AUTS2: variants seen among roughly 807,000 people sequenced by gnomAD.
AUTS2 encodes activator of transcription and developmental regulator AUTS2, also known as autism susceptibility gene 2 protein.
In AUTS2, 17 loss-of-function variants were observed where a neutral mutation model predicts 112.4. The ratio of observed to expected loss-of-function variants is 0.15; its 90% CI spans 0.10 to 0.23. AUTS2 has a LOEUF of 0.23. AUTS2 is among the 10% of genes least tolerant of loss of function. The probability of loss-of-function intolerance (pLI) is 1.00; values close to 1 mark genes in which losing one functional copy is unlikely to be tolerated. For synonymous variants in AUTS2, 751 were observed against 702.7 expected (o/e 1.07, Z -1.09); for missense variants, 1,510 against 1,701.6 (o/e 0.89, Z 1.98).
intron 1 of AUTS2, among the ~76,000 whole-genome samples, chr7:69,644,519 T>G (rs1190672066): frequency 6.6e-6 from 1 of 152,096 alleles, no homozygotes; most frequent in Non-Finnish European, 1.5e-5. Context: ...AAAAAACTTT[T>G]AAAGTTTTTG....
chr7:69,632,966 T>G (rs1794337245), intron 1 of AUTS2, among the ~76,000 whole-genome samples: 1 of 152,184 alleles, frequency 6.6e-6, no homozygotes, highest in Non-Finnish European at 1.5e-5. Flanking sequence ...TTCATCACCT[T>G]ACATAGGCAA....
At chr7:70,169,226 T>C (rs2041021014) in intron 4 of AUTS2, among the ~76,000 whole-genome samples, 1 of 152,034 alleles carries the variant, frequency 6.6e-6, no homozygotes, top group African/African-American at 2.4e-5. Flanking sequence ...AGAGCTTATG[T>C]CAAATGATTA....
intron 2 of AUTS2, among the ~76,000 whole-genome samples, chr7:69,987,567 A>G (rs1265975439): frequency 6.6e-6 from 1 of 152,094 alleles, no homozygotes; most frequent in Non-Finnish European, 1.5e-5. Context: ...TCCTGGGCTC[A>G]AGGGTCCTCC....
intron 4 of AUTS2, among the ~76,000 whole-genome samples, chr7:70,421,801 G>T (rs1176709028): frequency 6.6e-6 from 1 of 152,154 alleles, no homozygotes; most frequent in African/African-American, 2.4e-5. Context: ...CAGAAAAATA[G>T]CACATTCATT....
At chr7:70,222,296 A>G (rs1387068535) in intron 4 of AUTS2, among the ~76,000 whole-genome samples, 3 of 152,204 alleles carry the variant, frequency 2.0e-5, no homozygotes, top group East Asian at 3.9e-4. Context: ...AGGAAGAGGG[A>G]TAGCAAATGT....
intron 5 of AUTS2, among the ~76,000 whole-genome samples, chr7:70,653,573 T>C (rs1422768353): frequency 6.6e-6 from 1 of 152,240 alleles, no homozygotes; most frequent in African/African-American, 2.4e-5. Context: ...CATTATGTCC[T>C]GTCCTTTTGA....
At chr7:70,036,322 TAAC>T (rs1446235049) in intron 2 of AUTS2, among the ~76,000 whole-genome samples, 1 of 152,214 alleles carries the variant, frequency 6.6e-6, no homozygotes, top group Non-Finnish European at 1.5e-5. Flanking sequence ...AACTTTTAAG[TAAC>T]AACAATATGG....
rs149246441 is a variant in AUTS2 at position 70,115,075 on chromosome 7, G to T, written c.523-3057G>T. On this transcript the variant is annotated intron_variant, in intron 2 of 18. Transcript: ENST00000342771. ...GGCAGGGCACTGGGAAGGCTAGCAG[G>T]CTGCTTCCTCTCAGTCCTTCTTGGG... Among the ~76,000 whole-genome samples, 11 of 152,276 alleles carry T rather than the reference G, an allele frequency of 7.2e-5. No homozygotes were observed. The East Asian group carries it at 1.9e-3, about 27-fold the overall frequency.
intron 5 of AUTS2, among the ~76,000 whole-genome samples, chr7:70,600,373 T>C (rs938325138): frequency 3.3e-5 from 5 of 152,058 alleles, no homozygotes; most frequent in Admixed American, 1.3e-4. Context: ...ATCTCCTGGG[T>C]CAAGGGATTC....
At chr7:69,850,500 C>T (rs561131654) in intron 1 of AUTS2, among the ~76,000 whole-genome samples, 1 of 145,190 alleles carries the variant, frequency 6.9e-6, no homozygotes, top group Admixed American at 7.0e-5. Context: ...AGGGAATCAG[C>T]ATCCTTGCCA....
At chr7:70,116,429 CTA>C (rs894634149) in intron 2 of AUTS2, among the ~76,000 whole-genome samples, 3 of 152,180 alleles carry the variant, frequency 2.0e-5, no homozygotes, top group African/African-American at 7.2e-5. Flanking sequence ...CAGCCTCACT[CTA>C]TTCATCTTGG....
intron 6 of AUTS2, among the ~76,000 whole-genome samples, chr7:70,761,359 A>C (rs949329641): frequency 1.1e-4 from 17 of 152,228 alleles, no homozygotes; most frequent in African/African-American, 4.1e-4. Context: ...TAGAACCAAC[A>C]AGAATACCAC....
intron 5 of AUTS2, among the ~76,000 whole-genome samples, chr7:70,598,710 G>A (rs1358767384): frequency 1.3e-5 from 2 of 152,198 alleles, no homozygotes; most frequent in African/African-American, 2.4e-5. Flanking sequence ...TGGGTGTTTG[G>A]TAGGATGGTG....
At chr7:69,957,773 C>A (rs1797275297) in intron 2 of AUTS2, among the ~76,000 whole-genome samples, 1 of 152,064 alleles carries the variant, frequency 6.6e-6, no homozygotes, top group Non-Finnish European at 1.5e-5. Context: ...TAACAACCCT[C>A]CCAAGTGGAT....
intron 1 of AUTS2, among the ~76,000 whole-genome samples, chr7:69,678,816 T>G (rs1366687463): frequency 1.3e-5 from 2 of 152,250 alleles, no homozygotes; most frequent in African/African-American, 2.4e-5. Context: ...TCCATCTATT[T>G]CAGAGAAACA....
intron 5 of AUTS2, among the ~76,000 whole-genome samples, chr7:70,549,429 TTATGA>T (rs1344337830): frequency 2.6e-5 from 4 of 152,240 alleles, no homozygotes; most frequent in African/African-American, 9.6e-5. Flanking sequence ...GTGATTATAC[TTATGA>T]TATCAATGAG....
intron 2 of AUTS2, among the ~76,000 whole-genome samples, chr7:69,938,003 A>G (rs1796481730): frequency 6.6e-6 from 1 of 152,228 alleles, no homozygotes; most frequent in African/African-American, 2.4e-5. Context: ...CATGCTAAAC[A>G]TCTTAAATGC....
chr7:70,570,752 C>T (rs762758763), intron 5 of AUTS2, among the ~76,000 whole-genome samples: 12 of 152,158 alleles, frequency 7.9e-5, no homozygotes, highest in Non-Finnish European at 1.3e-4. Flanking sequence ...CTTCTGTGAC[C>T]TTACTGCATC....
At chr7:69,903,889 G>A (rs1795059680) in intron 2 of AUTS2, among the ~76,000 whole-genome samples, 2 of 152,260 alleles carry the variant, frequency 1.3e-5, no homozygotes, top group Middle Eastern at 3.4e-3. Context: ...GATCTGGGTA[G>A]GTATTTCTTT....
Sources: allele counts gnomAD v4.1 joint callset (sites outside exome capture counted in the v4.1 genomes callset), GRCh38; gene constraint gnomAD v4.1.1; transcripts MANE v1.5; gene names NCBI Gene and HGNC (gene_info 2026-07-23, HGNC 2026-07-21).